The following CHUK variants were observed in gnomAD, a reference collection of about 807,000 sequenced individuals.
CHUK encodes the protein component of inhibitor of nuclear factor kappa B kinase complex.
A neutral mutation model predicts 104.8 loss-of-function variants in CHUK; 35 were observed. That is an observed-to-expected ratio of 0.33 (90% CI 0.26 to 0.44). CHUK has a LOEUF of 0.44. Among genes scored for constraint, CHUK ranks in the 20% least tolerant of loss-of-function variants. The pLI, the probability that CHUK is intolerant of heterozygous loss-of-function variation, is 1.00. For missense variants in CHUK, 663 were observed against 902.7 expected (o/e 0.73, Z 3.40); for synonymous variants, 276 against 291.9 (o/e 0.95, Z 0.56).
chr10:100,224,568 C>A (rs953294137), intron 2 of CHUK, among the ~76,000 whole-genome samples: 5 of 151,942 alleles, frequency 3.3e-5, no homozygotes, highest in African/African-American at 1.2e-4. Flanking sequence ...TCCCAAGTAG[C>A]TGGGATTACA....
intron 10 of CHUK, among the ~76,000 whole-genome samples, chr10:100,207,679 A>G (rs1702657898): frequency 1.3e-5 from 2 of 152,208 alleles, no homozygotes; most frequent in Non-Finnish European, 2.9e-5. Context: ...CAGACACAAG[A>G]CTATATATTA....
chr10:100,216,326 A>C (rs1022449654), intron 9 of CHUK, among the ~76,000 whole-genome samples: 15 of 152,248 alleles, frequency 9.9e-5, no homozygotes, highest in Admixed American at 9.8e-4. Context: ...GCACATTAGA[A>C]GGAAACCAAA....
At chr10:100,221,164 C>T (rs1013553619) in intron 4 of CHUK, among the ~76,000 whole-genome samples, 10 of 152,074 alleles carry the variant, frequency 6.6e-5, no homozygotes, top group Non-Finnish European at 1.3e-4. Context: ...TGGCTGGGTG[C>T]GGTGGCTCAC....
At chr10:100,208,974 G>C (rs1027414221) in intron 10 of CHUK, among the ~76,000 whole-genome samples, 1 of 152,050 alleles carries the variant, frequency 6.6e-6, no homozygotes, top group Non-Finnish European at 1.5e-5. Context: ...CCACAAACAA[G>C]TTTATTGGGG....
intron 9 of CHUK, among the ~76,000 whole-genome samples, chr10:100,211,808 C>T (rs1252007502): frequency 6.6e-6 from 1 of 152,040 alleles, no homozygotes; most frequent in Non-Finnish European, 1.5e-5. Flanking sequence ...GTGCAAATAT[C>T]TCTTCACAAG....
rs1845751164 is a variant in CHUK, at chr10:100,212,426, T to C, written c.934-2637A>G. Among the ~76,000 whole-genome samples the C allele has an allele frequency of 2.0e-5, 3 of 152,332 alleles. No individual in the cohort carries two copies. The South Asian group carries it at 6.2e-4, about 32-fold the overall frequency. On this transcript the variant is annotated intron_variant, in intron 9 of 20. Coordinates refer to ENST00000370397, the MANE Select transcript of CHUK (RefSeq NM_001278.5). ...CACCTTTTCATATGTTTGTTGACCA[T>C]CTGAATTTCTTCTTTTGAGAAGTGT...
intron 2 of CHUK, among the ~76,000 whole-genome samples, chr10:100,225,102 A>C (rs931380815): frequency 1.5e-4 from 23 of 152,226 alleles, no homozygotes; most frequent in Non-Finnish European, 3.4e-4. Flanking sequence ...CACCCACCTC[A>C]GCCTCTCAAA....
chr10:100,213,472 C>A lies in CHUK; in HGVS notation c.934-3683G>T, dbSNP rs1169632597. 8.4e-5 allele frequency among the ~76,000 whole-genome samples: 12 copies of A among 143,372 alleles called. No homozygotes were observed. The South Asian group carries it at 2.5e-3, about 29-fold the overall frequency. 94.1% of individuals were successfully genotyped at this position (143,372 alleles called of 152,430 possible). Reference sequence around the variant, plus strand: ...TGGTACTCTAGCCTGGGTGATAGAACAAGACTCTTATCTCAAAAAAAAAAA... The same window carrying A: ...TGGTACTCTAGCCTGGGTGATAGAAAAAGACTCTTATCTCAAAAAAAAAAA... On this transcript the variant is annotated intron_variant, in intron 9 of 20. Coordinates refer to ENST00000370397, the MANE Select transcript of CHUK (RefSeq NM_001278.5).
chr10:100,200,619 A>G (rs1344559395), intron 15 of CHUK, 52 bp downstream of exon 15: 1 of 893,514 alleles, frequency 1.1e-6, no homozygotes. Context: ...GTAAGCAGAA[A>G]GAATACAAAA....
chr10:100,228,446 G>C (rs1846153382), intron 1 of CHUK, among the ~76,000 whole-genome samples: 1 of 152,178 alleles, frequency 6.6e-6, no homozygotes, highest in Non-Finnish European at 1.5e-5. Context: ...CTGAGGTCAG[G>C]AGTTCGAGAC....
chr10:100,200,665 C>G lies in CHUK; in HGVS notation c.1679+6G>C. The G allele has an allele frequency of 7.6e-7, 1 of 1,318,192 alleles. No homozygotes were observed. The highest frequency in any genetic ancestry group is 1.1e-6 in the Non-Finnish European group (1 of 911,050). The allele number at this position is 1,318,192 out of a possible 1,614,324, so 81.7% of individuals were successfully genotyped here. A position where few individuals can be genotyped will look rare whatever the true frequency, so the allele number is the denominator to read the frequency against. On this transcript the variant is annotated splice_donor_region_variant and intron_variant, in intron 15 of 20. Coordinates refer to ENST00000370397, the MANE Select transcript of CHUK (RefSeq NM_001278.5). ...GTCAAGACCAACAACACAAGTGCAT[C>G]CTTACAGAGATTCCATCAAGTCTCC...
intron 12 of CHUK, 149 bp from the exon 13 acceptor site, chr10:100,204,806 C>T: frequency 1.3e-6 from 1 of 770,176 alleles, no homozygotes; most frequent in Non-Finnish European, 2.1e-6. Flanking sequence ...GCTCTAGAAT[C>T]TGATCTCTAA....
chr10:100,207,607 G>A (rs1248180377), intron 10 of CHUK, among the ~76,000 whole-genome samples: 1 of 152,170 alleles, frequency 6.6e-6, no homozygotes, highest in African/African-American at 2.4e-5. Context: ...CAAAACGAAT[G>A]AAGTACTGAT....
Position 100,204,593 on chromosome 10 carries a change from G to C in CHUK, c.1420C>G (p.Gln474Glu). The C allele has an allele frequency of 1.9e-6, 3 of 1,613,128 alleles. No homozygotes were observed. The highest frequency in any genetic ancestry group is 2.5e-6 in the Non-Finnish European group (3 of 1,179,240). The change falls in exon 13 of 21, where the codon CAA becomes GAA. Residue 474 changes from glutamine to glutamate, a missense_variant. Gln to Glu is a conservative substitution (Grantham distance 29). Around this residue, in one of 5 missense-constraint regions of CHUK, gnomAD observed 311 missense variants for 393.4 expected, o/e 0.79. Coordinates refer to ENST00000370397, the MANE Select transcript of CHUK (RefSeq NM_001278.5). ...AACTCCAATTTAGCTTTCAGTTGTT[G>C]TGATGCTGAGATCAAAGTGTTCTTC... ...KMKNTLISAS[Q>E]QLKAKLEFFH...
intron 19 of CHUK, chr10:100,192,503 A>C: frequency 1.6e-6 from 1 of 616,622 alleles, no homozygotes. Context: ...CTCTCATAAA[A>C]GTAGAGTACA....
At chr10:100,194,905 T>G in intron 16 of CHUK, 1 of 160,914 alleles carries the variant, frequency 6.2e-6, no homozygotes, top group Non-Finnish European at 1.4e-5. Context: ...AGTAGGACAA[T>G]TCATCAAACT....
At position 100,207,227 on chromosome 10, in the gene CHUK, T is replaced by C. The variant is rs377288767; in HGVS notation, c.1231+3A>G. ...GCTCAGCCACTAAATGGACTGGACTTACCAATATAATTTACACAATCAGAT... is the reference window on the plus strand; with the variant it reads ...GCTCAGCCACTAAATGGACTGGACTCACCAATATAATTTACACAATCAGAT... On this transcript the variant is annotated splice_donor_region_variant and intron_variant, in intron 11 of 20. Coordinates refer to ENST00000370397, the MANE Select transcript of CHUK (RefSeq NM_001278.5). 11 of 1,337,978 alleles carry C rather than the reference T, an allele frequency of 8.2e-6. No homozygotes were observed. The African/African-American group carries it at 1.6e-4, about 19-fold the overall frequency. The allele number at this position is 1,337,978 out of a possible 1,614,324, so 82.9% of individuals were successfully genotyped here. A position where few individuals can be genotyped will look rare whatever the true frequency, so the allele number is the denominator to read the frequency against.
chr10:100,197,655 C>T (rs1845366698), intron 16 of CHUK, among the ~76,000 whole-genome samples: 1 of 152,126 alleles, frequency 6.6e-6, no homozygotes, highest in Non-Finnish European at 1.5e-5. Flanking sequence ...TCTCCTGAAA[C>T]TCTACACTCC....
intron 13 of CHUK, among the ~76,000 whole-genome samples, chr10:100,204,095 A>G (rs530880304): frequency 1.4e-3 from 220 of 152,292 alleles, no homozygotes; most frequent in Admixed American, 3.7e-3. Flanking sequence ...CTCTACTCTC[A>G]TGACCTAATC....
Sources: gnomAD v4.1 joint callset for allele counts (sites outside exome capture counted in the v4.1 genomes callset) on GRCh38, gnomAD v4.1.1 for gene constraint, gnomAD v4.1.1 regional missense constraint, MANE v1.5 for transcripts, NCBI Gene and HGNC (gene_info 2026-07-23, HGNC 2026-07-21) for gene names.